NSL1: variants seen among roughly 807,000 people sequenced by gnomAD.
NSL1 encodes NSL1 component of MIS12 kinetochore complex.
In NSL1, 11 loss-of-function variants were observed where a neutral mutation model predicts 25.4. The observed-to-expected ratio is 0.43, with a 90% CI of 0.27 to 0.72. NSL1 has a LOEUF of 0.72. NSL1 is among the 30% of genes least tolerant of loss of function. The probability of loss-of-function intolerance (pLI) is 0.19; values close to 1 mark genes in which losing one functional copy is unlikely to be tolerated. For missense variants in NSL1, 330 were observed against 342.7 expected (o/e 0.96, Z 0.29); for synonymous variants, 118 against 120.6 (o/e 0.98, Z 0.14).
rs910193001 is a variant in NSL1 at position 212,734,525 on chromosome 1, G to T, written c.*3883C>A. Among the ~76,000 whole-genome samples, 1 of 152,158 alleles carries T rather than the reference G, an allele frequency of 6.6e-6. No individual in the cohort carries two copies. The highest frequency in any genetic ancestry group is 1.5e-5 in the Non-Finnish European group (1 of 68,032). ...CAGAACATTTTGCTCACCCAAAAATGTTTCCCGTGCCATTCCCAGTTAATA... is the reference window on the plus strand; with the variant it reads ...CAGAACATTTTGCTCACCCAAAAATTTTTCCCGTGCCATTCCCAGTTAATA... On this transcript the variant is annotated 3_prime_UTR_variant, in exon 6 of 6. Transcript: ENST00000366977.
At position 212,728,258 on chromosome 1, in the gene NSL1, A is replaced by T. The variant is rs910882326; in HGVS notation, c.*10150T>A. 1 of 967,740 alleles carries T rather than the reference A, an allele frequency of 1.0e-6. No individual in the cohort carries two copies. The highest frequency in any genetic ancestry group is 1.8e-5 in the African/African-American group (1 of 56,872). The allele number at this position is 967,740 out of a possible 1,614,324, so 59.9% of individuals were successfully genotyped here. A position where few individuals can be genotyped will look rare whatever the true frequency, so the allele number is the denominator to read the frequency against. The stretch of plus-strand genomic sequence containing the variant: ...GATATTACCTTCAGCAAATAAGTTG[A>T]TAACATTATATATGTAAACATTTAT... On this transcript the variant is annotated 3_prime_UTR_variant, in exon 6 of 6. Transcript: ENST00000366977.
intron 4 of NSL1, among the ~76,000 whole-genome samples, chr1:212,773,754 A>G (rs1163272202): frequency 6.6e-6 from 1 of 152,194 alleles, no homozygotes; most frequent in African/African-American, 2.4e-5. Context: ...TTATTACAGC[A>G]CTATTCACAA....
intron 4 of NSL1, among the ~76,000 whole-genome samples, chr1:212,750,908 T>TC: frequency 6.6e-6 from 1 of 152,124 alleles, no homozygotes. Context: ...GCCACTGCAC[T>TC]CCAGCCAGAG....
intron 4 of NSL1, among the ~76,000 whole-genome samples, chr1:212,762,306 C>CAA (rs71147025): frequency 0.046 from 5,261 of 114,490 alleles, 139 homozygotes; most frequent in Non-Finnish European, 0.065. Context: ...TTAAAAGAAA[C>CAA]AAAAAAAAAA....
intron 4 of NSL1, among the ~76,000 whole-genome samples, chr1:212,747,150 C>T (rs1347380868): frequency 1.3e-5 from 2 of 150,744 alleles, no homozygotes; most frequent in African/African-American, 2.4e-5. Flanking sequence ...AAAAAGATGG[C>T]CCCCAGTGAT....
intron 4 of NSL1, among the ~76,000 whole-genome samples, chr1:212,768,516 A>G (rs956429435): frequency 1.3e-5 from 2 of 152,194 alleles, no homozygotes; most frequent in Non-Finnish European, 2.9e-5. Context: ...CTAGTGCATA[A>G]AGAAAATGTG....
rs769417096 is a variant in NSL1 at position 212,787,545 on chromosome 1, A to G, written c.313+14T>C. ...TAACCCAGAAATTAATAATGGAAGG[A>G]AAAAGTCACATACCCATAAAACAAT... is the stretch of plus-strand genomic sequence containing the variant. On this transcript the variant is annotated intron_variant, in intron 2 of 5. Coordinates refer to ENST00000366977, the MANE Select transcript of NSL1 (RefSeq NM_015471.4). The G allele has an allele frequency of 1.9e-6, 3 of 1,568,090 alleles. No homozygotes were observed. The highest frequency in any genetic ancestry group is 1.2e-5 in the South Asian group (1 of 83,252).
Position 212,737,393 on chromosome 1 carries a change from AAATG to A in NSL1, c.*1011_*1014del, listed in dbSNP as rs1342139482. On this transcript the variant is annotated 3_prime_UTR_variant, in exon 6 of 6. Coordinates refer to ENST00000366977, the MANE Select transcript of NSL1 (RefSeq NM_015471.4). ...CTCATGATCAGTAAATTCCTTTGAA[AAATG>A]AATGAAGGTATCAGAGTCATCAAAA... 1.0e-6 allele frequency: 1 copy of A among 985,012 alleles called. No homozygotes were observed. The highest frequency in any genetic ancestry group is 1.7e-5 in the African/African-American group (1 of 57,246). 61.0% of individuals were successfully genotyped at this position (985,012 alleles called of 1,614,324 possible).
chr1:212,731,727 C>A lies in NSL1; in HGVS notation c.*6681G>T. On this transcript the variant is annotated 3_prime_UTR_variant, in exon 6 of 6. Transcript: ENST00000366977. ...CAGCTTTTTAGACATCCACTGACTT[C>A]CAGTTGTGGTGGGTGAAGATTTCAC... 1.0e-6 allele frequency: 1 copy of A among 985,388 alleles called. No individual in the cohort carries two copies. The allele number at this position is 985,388 out of a possible 1,614,324, so 61.0% of individuals were successfully genotyped here.
In NSL1 at chr1:212,729,269, C is replaced by G. The variant is rs182670568; in HGVS notation, c.*9139G>C. The stretch of plus-strand genomic sequence containing the variant: ...CTTGGGCTCCTAGCCTCTCCCTCAG[C>G]TCCCTCTTTTCCCTCTAATGGATCC... On this transcript the variant is annotated 3_prime_UTR_variant, in exon 6 of 6. Coordinates refer to ENST00000366977, the MANE Select transcript of NSL1 (RefSeq NM_015471.4). 88 of 985,422 alleles carry G rather than the reference C, an allele frequency of 8.9e-5. 1 individual carries two copies. The East Asian group carries it at 9.0e-3, about 100-fold the overall frequency. 61.0% of individuals were successfully genotyped at this position (985,422 alleles called of 1,614,324 possible).
intron 4 of NSL1, among the ~76,000 whole-genome samples, chr1:212,771,666 C>G (rs1417221333): frequency 7.2e-6 from 1 of 139,468 alleles, no homozygotes. Context: ...AGTAAAGTTG[C>G]AGGATACAAA....
intron 4 of NSL1, among the ~76,000 whole-genome samples, chr1:212,762,419 G>A (rs114387530): frequency 1.0e-3 from 156 of 152,002 alleles, no homozygotes; most frequent in African/African-American, 3.6e-3. Context: ...GCTTGAATTA[G>A]ATCTTTTATT....
chr1:212,745,160 C>CAAACAATATATATA (rs1268799355), intron 4 of NSL1, among the ~76,000 whole-genome samples: 1 of 117,688 alleles, frequency 8.5e-6, no homozygotes, highest in Non-Finnish European at 1.6e-5. Context: ...AACAAACAAA[C>CAAACAATATATATA]TATATATATA....
intron 4 of NSL1, among the ~76,000 whole-genome samples, chr1:212,767,221 A>G (rs1659862184): frequency 6.6e-6 from 1 of 152,238 alleles, no homozygotes. Context: ...CCAAAACAAC[A>G]TGGTACTGGT....
chr1:212,754,272 T>G (rs1659195921), intron 4 of NSL1, among the ~76,000 whole-genome samples: 3 of 151,978 alleles, frequency 2.0e-5, no homozygotes. Context: ...AACATTTCAA[T>G]GAACCAGAAA....
At position 212,760,571 on chromosome 1, in the gene NSL1, C is replaced by A. The variant is rs934042227; in HGVS notation, c.500-20970G>T. On this transcript the variant is annotated intron_variant, in intron 4 of 5. Coordinates refer to ENST00000366977, the MANE Select transcript of NSL1 (RefSeq NM_015471.4). The surrounding 1 kb of genome is among the most constrained non-coding windows in gnomAD (Gnocchi z 4.3). ...ATCACCACCACCATCACCGCCAGGACCCCCCTAAATGTGCTCTGGGGGGAC... is the reference window on the plus strand; with the variant it reads ...ATCACCACCACCATCACCGCCAGGAACCCCCTAAATGTGCTCTGGGGGGAC... 6.6e-6 allele frequency among the ~76,000 whole-genome samples: 1 copy of A among 152,048 alleles called. No homozygotes were observed. The highest frequency in any genetic ancestry group is 1.5e-5 in the Non-Finnish European group (1 of 67,992).
chr1:212,758,717 A>G (rs1280919162), intron 4 of NSL1, among the ~76,000 whole-genome samples: 1 of 152,236 alleles, frequency 6.6e-6, no homozygotes. Flanking sequence ...AAAGTGATCT[A>G]CAATTTCAAC....
chr1:212,738,591 A>G lies in NSL1; in HGVS notation c.663T>C (p.Phe221=), dbSNP rs749757345. 1 of 1,614,172 alleles carries G rather than the reference A, an allele frequency of 6.2e-7. No homozygotes were observed. Among genetic ancestry groups the G allele is most frequent in the Non-Finnish European group, 8.5e-7 (1 of 1,180,014 alleles). The change falls in exon 6 of 6, where the codon TTT becomes TTC. Residue 221 remains phenylalanine (F), a synonymous_variant. Transcript: ENST00000366977. ...IHLQRIHQEV[F]SSCHRKPDAK... ...CATCTGGTTTCCTATGACAACTGGA[A>G]AAGACTTCTTGGTGAATCCTCTGGA...
intron 4 of NSL1, among the ~76,000 whole-genome samples, chr1:212,770,882 T>C (rs1274567643): frequency 1.3e-5 from 2 of 152,156 alleles, no homozygotes; most frequent in Non-Finnish European, 2.9e-5. Context: ...ATCTCAGAGA[T>C]ATGAGAATGG....
Sources: gnomAD v4.1 joint callset for allele counts (sites outside exome capture counted in the v4.1 genomes callset) on GRCh38, gnomAD v4.1.1 for gene constraint, Gnocchi (gnomAD v3.1) non-coding constraint, MANE v1.5 for transcripts, NCBI Gene and HGNC (gene_info 2026-07-23, HGNC 2026-07-21) for gene names.